PAX2: variants seen among roughly 807,000 people sequenced by gnomAD.
PAX2 encodes paired box 2.
PAX2 carries 9 observed loss-of-function variants against 41.7 expected under a neutral mutation model. That is an observed-to-expected ratio of 0.22 (90% confidence interval 0.13 to 0.38). The LOEUF (loss-of-function observed/expected upper bound fraction) is 0.38, where lower values mean the gene tolerates loss of function less well. Ranked by LOEUF, PAX2 falls within the 10% of genes least tolerant of loss-of-function variation. The probability of loss-of-function intolerance (pLI) is 1.00; values close to 1 mark genes in which losing one functional copy is unlikely to be tolerated. For missense variants in PAX2, 418 were observed against 531.6 expected, an observed-to-expected ratio of 0.79 and a Z score of 2.10; for synonymous variants, 221 against 212.7, an observed-to-expected ratio of 1.04 and a Z score of -0.34.
At chr10:100,815,892 G>C (rs1245759901) in intron 7 of PAX2, among the ~76,000 whole-genome samples, 1 of 152,192 alleles carries the variant, frequency 6.6e-6, no homozygotes, top group Non-Finnish European at 1.5e-5. Flanking sequence ...GAAGTACCCT[G>C]GCTGAGAATG....
Position 100,827,061 on chromosome 10 carries a change from C to G in PAX2, c.1074C>G (p.Asn358Lys). ...GCCACCCCCAGTACACGGCCTACAA[C>G]GAGGCTTGGAGATTCAGCAACCCCG... ...PYSHPQYTAYNEAWRFSNPAL... is the reference protein window; with the variant it reads ...PYSHPQYTAYKEAWRFSNPAL... Residue 358 changes from asparagine (N) to lysine (K), a missense_variant, in exon 9 of 10, where the codon AAC becomes AAG. Transcript: ENST00000355243. The surrounding 1 kb of genome is among the most constrained non-coding windows in gnomAD (Gnocchi z 8.5). 6.2e-7 allele frequency: 1 copy of G among 1,613,636 alleles called. No homozygotes were observed. Among genetic ancestry groups the G allele is most frequent in the Non-Finnish European group, 8.5e-7 (1 of 1,179,572 alleles).
rs1848587748 is a variant in PAX2, at chr10:100,826,896, A to G, written c.1022-113A>G. 1.3e-6 allele frequency: 1 copy of G among 757,936 alleles called. No individual in the cohort carries two copies. 47.0% of individuals were successfully genotyped at this position (757,936 alleles called of 1,614,324 possible). On this transcript the variant is annotated intron_variant, in intron 8 of 9. Coordinates refer to ENST00000355243, the MANE Select transcript of PAX2 (RefSeq NM_000278.5). The surrounding 1 kb of genome is among the most constrained non-coding windows in gnomAD (Gnocchi z 5.5). The stretch of plus-strand genomic sequence containing the variant: ...CGCCACGGCCATTACCCTGCCCGCG[A>G]CACCTGCGCCTGAGACCCGGCGGGA...
chr10:100,771,421 G>C (rs1172526187), intron 3 of PAX2, among the ~76,000 whole-genome samples: 1 of 152,216 alleles, frequency 6.6e-6, no homozygotes, highest in African/African-American at 2.4e-5. Context: ...ACTGCAGCCA[G>C]AGGCTACAAA....
intron 5 of PAX2, among the ~76,000 whole-genome samples, chr10:100,801,876 G>C (rs1847577228): frequency 1.3e-5 from 2 of 152,234 alleles, no homozygotes; most frequent in Admixed American, 1.3e-4. Flanking sequence ...TCATTTACTA[G>C]CTTCATGGCC....
Position 100,828,049 on chromosome 10 carries a change from C to T in PAX2, c.*430C>T, listed in dbSNP as rs937907571. 1 of 238,786 alleles carries T rather than the reference C, an allele frequency of 4.2e-6. No homozygotes were observed. The highest frequency in any genetic ancestry group is 5.7e-5 in the Admixed American group (1 of 17,606). The allele number at this position is 238,786 out of a possible 1,614,324, so 14.8% of individuals were successfully genotyped here. On this transcript the variant is annotated 3_prime_UTR_variant, in exon 10 of 10. Transcript: ENST00000355243. The surrounding 1 kb of genome is among the most constrained non-coding windows in gnomAD (Gnocchi z 6.5). The stretch of plus-strand genomic sequence containing the variant: ...CGCGGACCGCAGCGCGGCCCAGCCC[C>T]GGGCACCCGCCTCGGACGCTCGGGC...
chr10:100,763,991 C>A (rs1236454420), intron 3 of PAX2, among the ~76,000 whole-genome samples: 1 of 152,118 alleles, frequency 6.6e-6, no homozygotes, highest in East Asian at 1.9e-4. Flanking sequence ...CCACATAAAC[C>A]AGCTTAGAAT....
At chr10:100,782,831 C>T (rs1200424341) in intron 5 of PAX2, among the ~76,000 whole-genome samples, 2 of 152,264 alleles carry the variant, frequency 1.3e-5, no homozygotes, top group Non-Finnish European at 2.9e-5. Context: ...CCTGAGGCTC[C>T]CTGTGCTCAG....
At chr10:100,738,058 C>A (rs11190676) in intron 1 of PAX2, among the ~76,000 whole-genome samples, 58,638 of 152,122 alleles carry the variant, frequency 0.39, 13,196 homozygotes, top group East Asian at 0.96. Flanking sequence ...CCTTTTTCTG[C>A]ACTGCTCTGT....
chr10:100,772,376 A>T (rs541687347), intron 3 of PAX2, among the ~76,000 whole-genome samples: 1 of 151,912 alleles, frequency 6.6e-6, no homozygotes, highest in South Asian at 2.1e-4. Context: ...CTGGTCTCGA[A>T]CTCCTGACCT....
rs191591176 is a variant in PAX2 at position 100,750,595 on chromosome 10, C to T, written c.213-99C>T. On this transcript the variant is annotated intron_variant, in intron 2 of 9. Coordinates refer to ENST00000355243, the MANE Select transcript of PAX2 (RefSeq NM_000278.5). This position sits in a 1 kb window ranked among gnomAD's most constrained non-coding sequence, Gnocchi z 4.1. ...GCCTTTTCCCTCCACTCCGCTGCCTCGGCCGGGCAGGAGAGTGGCTCAGCA... is the reference window on the plus strand; with the variant it reads ...GCCTTTTCCCTCCACTCCGCTGCCTTGGCCGGGCAGGAGAGTGGCTCAGCA... 6.7e-4 allele frequency: 728 copies of T among 1,086,712 alleles called. 3 individuals carry two copies. The African/African-American group carries it at 1.0e-2, about 15-fold the overall frequency. 67.3% of individuals were successfully genotyped at this position (1,086,712 alleles called of 1,614,324 possible).
In PAX2 at chr10:100,772,344, G is replaced by A. The variant is rs937221014; in HGVS notation, c.411-7154G>A. ...AATTTTTGTATTTTCAGTAGAGATG[G>A]GTTTTCACCATGTTGGCCAGGCTGG... On this transcript the variant is annotated intron_variant, in intron 3 of 9. Coordinates refer to ENST00000355243, the MANE Select transcript of PAX2 (RefSeq NM_000278.5). Among the ~76,000 whole-genome samples, 53 of 150,950 alleles carry A rather than the reference G, an allele frequency of 3.5e-4. 1 individual carries two copies. Among genetic ancestry groups the A allele is most frequent in the Non-Finnish European group, 5.9e-5 (4 of 67,704 alleles).
intron 5 of PAX2, among the ~76,000 whole-genome samples, chr10:100,793,862 G>A (rs1847227221): frequency 6.6e-6 from 1 of 152,194 alleles, no homozygotes; most frequent in Non-Finnish European, 1.5e-5. Context: ...GAGGAGCAGA[G>A]AACCGGGATG....
intron 3 of PAX2, among the ~76,000 whole-genome samples, chr10:100,752,917 A>G (rs1589816067): frequency 6.6e-6 from 1 of 152,320 alleles, no homozygotes; most frequent in East Asian, 1.9e-4. Flanking sequence ...CTTGAGGTGC[A>G]CCCACCAGAA....
chr10:100,763,446 T>C (rs1297811152), intron 3 of PAX2, among the ~76,000 whole-genome samples: 1 of 152,230 alleles, frequency 6.6e-6, no homozygotes, highest in Non-Finnish European at 1.5e-5. Context: ...AAAGCATCTT[T>C]GATGTGTTCG....
intron 7 of PAX2, among the ~76,000 whole-genome samples, chr10:100,823,081 A>G (rs974525837): frequency 6.6e-6 from 1 of 152,200 alleles, no homozygotes; most frequent in Non-Finnish European, 1.5e-5. Flanking sequence ...AGTGGAAGAA[A>G]TGGAAATTGA....
intron 3 of PAX2, among the ~76,000 whole-genome samples, chr10:100,765,001 G>A (rs1845969845): frequency 6.6e-6 from 1 of 152,134 alleles, no homozygotes; most frequent in Non-Finnish European, 1.5e-5. Context: ...AAAGGGAGAA[G>A]TGAGCAAATA....
chr10:100,738,775 T>C (rs945747774), intron 1 of PAX2, among the ~76,000 whole-genome samples: 1 of 152,190 alleles, frequency 6.6e-6, no homozygotes, highest in African/African-American at 2.4e-5. Context: ...GAAATAATTC[T>C]GGATGTAGGT....
chr10:100,786,516 T>A (rs1226042425), intron 5 of PAX2, among the ~76,000 whole-genome samples: 6 of 152,234 alleles, frequency 3.9e-5, no homozygotes, highest in Non-Finnish European at 8.8e-5. Flanking sequence ...AGTGTGAGTA[T>A]GCATGTGTTC....
At chr10:100,799,984 A>C (rs1324513765) in intron 5 of PAX2, among the ~76,000 whole-genome samples, 2 of 151,838 alleles carry the variant, frequency 1.3e-5, no homozygotes, top group Non-Finnish European at 2.9e-5. Context: ...ATGGGGTTTT[A>C]CCATGTTGGC....
Sources: gnomAD v4.1 joint callset for allele counts (sites outside exome capture counted in the v4.1 genomes callset) on GRCh38, gnomAD v4.1.1 for gene constraint, Gnocchi (gnomAD v3.1) non-coding constraint, MANE v1.5 for transcripts, NCBI Gene and HGNC (gene_info 2026-07-23, HGNC 2026-07-21) for gene names.